MICAL2: variants seen among roughly 807,000 people sequenced by gnomAD.
MICAL2 encodes microtubule associated monooxygenase, calponin and LIM domain containing 2, also known as [F-actin]-monooxygenase MICAL2.
In MICAL2, 77 loss-of-function variants were observed where a neutral mutation model predicts 127.3. That is an observed-to-expected ratio of 0.60 (90% CI 0.50 to 0.73). The LOEUF (loss-of-function observed/expected upper bound fraction) is 0.73. Among genes scored for constraint, MICAL2 ranks in the 30% least tolerant of loss-of-function variants. The pLI is 0.00. For missense variants in MICAL2, 1,351 were observed against 1,434.4 expected (o/e 0.94, Z 0.94); for synonymous variants, 570 against 551.1 (o/e 1.03, Z -0.48).
intron 15 of MICAL2, among the ~76,000 whole-genome samples, chr11:12,228,629 G>A (rs80331449): frequency 0.021 from 3,182 of 152,272 alleles, 120 homozygotes; most frequent in African/African-American, 0.073. Context: ...GAGCAGCCAG[G>A]AAAGAAGATG....
Position 12,220,732 on chromosome 11 carries a change from G to A in MICAL2, c.1206+274G>A, listed in dbSNP as rs117213897. ...ATGAAGTACAAAATCAGGCAGCCCC[G>A]GTCTGGGCCATATGAGCCATCCTTC... On this transcript the variant is annotated intron_variant, in intron 9 of 27. Transcript: ENST00000683283. Among the ~76,000 whole-genome samples, 324 of 152,286 alleles carry A rather than the reference G, an allele frequency of 2.1e-3. 3 individuals carry two copies. In the East Asian group the frequency reaches 0.03, roughly 14 times the overall value.
intron 1 of MICAL2, among the ~76,000 whole-genome samples, chr11:12,120,207 C>T (rs891549999): frequency 6.6e-6 from 1 of 152,176 alleles, no homozygotes; most frequent in Admixed American, 6.5e-5. Context: ...CGCAGAAGCC[C>T]TTTGTTAAAA....
chr11:12,293,652 C>T (rs1565296143), downstream of MICAL2: 1 of 1,614,148 alleles, frequency 6.2e-7, no homozygotes, highest in Admixed American at 1.7e-5. Flanking sequence ...GCCCAAGGAG[C>T]ACCCAGGGAA....
intron 2 of MICAL2, among the ~76,000 whole-genome samples, chr11:12,282,253 A>T (rs141230936): frequency 0.014 from 2,070 of 152,258 alleles, 20 homozygotes; most frequent in Non-Finnish European, 0.019. Context: ...GTTAAGTACC[A>T]TTTGTGGGGC....
intron 3 of MICAL2, among the ~76,000 whole-genome samples, chr11:12,202,797 A>T (rs924018398): frequency 6.6e-6 from 1 of 152,246 alleles, no homozygotes; most frequent in East Asian, 1.9e-4. Context: ...TTTTAAAATT[A>T]TGACACAATT....
intron 3 of MICAL2, among the ~76,000 whole-genome samples, chr11:12,200,800 A>C (rs1355901902): frequency 6.6e-6 from 1 of 152,196 alleles, no homozygotes; most frequent in Non-Finnish European, 1.5e-5. Context: ...TGCAAAATGC[A>C]TGGCAGCTCC....
chr11:12,253,751 T>G (rs1861905536), intron 22 of MICAL2: 1 of 152,236 alleles, frequency 6.6e-6, no homozygotes, highest in African/African-American at 2.4e-5. Context: ...GCAGGGCATG[T>G]GGGAAAGGGT....
rs547021161 is a variant in MICAL2 at position 12,304,359 on chromosome 11, G to A, written c.5212+9502G>A. On this transcript the variant is annotated intron_variant, in intron 29 of 34. Transcript: ENST00000646065. ...AAAAGGCCATTCTTCAGCCAGGCAC[G>A]GTGGCTTACACCTATAATCCCAGCA... Among the ~76,000 whole-genome samples the A allele has an allele frequency of 4.6e-5, 7 of 152,188 alleles. No homozygotes were observed. In the South Asian group the frequency reaches 8.3e-4, roughly 18 times the overall value.
chr11:12,194,311 A>T (rs926824334), intron 3 of MICAL2, among the ~76,000 whole-genome samples: 1 of 152,236 alleles, frequency 6.6e-6, no homozygotes, highest in African/African-American at 2.4e-5. Context: ...CTACAGCTGT[A>T]AGACATGGAT....
At chr11:12,294,067 G>T (rs760654748), downstream of MICAL2, 2 of 1,614,160 alleles carry the variant, frequency 1.2e-6, no homozygotes, top group South Asian at 2.2e-5. Context: ...GAATTTCCCA[G>T]AAAAGTGCTG....
At chr11:12,260,681 G>A (rs920091630) in intron 26 of MICAL2, 5 of 985,590 alleles carry the variant, frequency 5.1e-6, no homozygotes, top group African/African-American at 1.7e-5. Flanking sequence ...TTTACAACAC[G>A]AAAGCATAAT....
chr11:12,151,257 A>G (rs554548929), intron 2 of MICAL2, among the ~76,000 whole-genome samples: 18 of 152,190 alleles, frequency 1.2e-4, no homozygotes, highest in Non-Finnish European at 2.4e-4. Flanking sequence ...AGGGGTGGGC[A>G]GGCTTATTTC....
At chr11:12,334,053 T>G (rs570179130) in intron 32 of MICAL2, among the ~76,000 whole-genome samples, 2 of 152,260 alleles carry the variant, frequency 1.3e-5, no homozygotes, top group African/African-American at 4.8e-5. Flanking sequence ...ATGTGAAAAT[T>G]GAAACTTGAG....
intron 3 of MICAL2, among the ~76,000 whole-genome samples, chr11:12,190,681 AT>A (rs1858981047): frequency 6.6e-6 from 1 of 152,348 alleles, no homozygotes; most frequent in Non-Finnish European, 1.5e-5. Flanking sequence ...GCCACAGATA[AT>A]TTGTGTTCAC....
intron 30 of MICAL2, chr11:12,319,870 G>C (rs971702793): frequency 2.3e-6 from 3 of 1,322,286 alleles, no homozygotes; most frequent in Non-Finnish European, 3.3e-6. Flanking sequence ...TTACCATCCA[G>C]ATTTCAGAAC....
intron 2 of MICAL2, among the ~76,000 whole-genome samples, chr11:12,139,513 G>T (rs1180733571): frequency 1.3e-5 from 2 of 152,166 alleles, no homozygotes; most frequent in Non-Finnish European, 2.9e-5. Flanking sequence ...GGGGCAGCCG[G>T]CGTGCATGTC....
chr11:12,201,826 A>G (rs1854031247), intron 3 of MICAL2, among the ~76,000 whole-genome samples: 1 of 152,220 alleles, frequency 6.6e-6, no homozygotes, highest in Non-Finnish European at 1.5e-5. Context: ...TTGGCACTTA[A>G]GACTTTCACT....
At chr11:12,358,350 G>A in exon 35 of MICAL2, 6 of 1,614,168 alleles carry the variant, frequency 3.7e-6, no homozygotes, top group Non-Finnish European at 5.1e-6. Flanking sequence ...TCACCGAGCT[G>A]ATGCAAGTGA....
chr11:12,259,252 A>G (rs1055794266), intron 25 of MICAL2, among the ~76,000 whole-genome samples: 2 of 152,210 alleles, frequency 1.3e-5, no homozygotes, highest in Non-Finnish European at 1.5e-5. Context: ...CTTTTTTTCT[A>G]TGTGAATGTA....
Sources: allele counts gnomAD v4.1 joint callset (sites outside exome capture counted in the v4.1 genomes callset), GRCh38; gene constraint gnomAD v4.1.1; transcripts MANE v1.5; gene names NCBI Gene and HGNC (gene_info 2026-07-23, HGNC 2026-07-21).